AGBL4: variants seen among roughly 807,000 people sequenced by gnomAD.
AGBL4 encodes the protein AGBL carboxypeptidase 4.
In AGBL4, 58 loss-of-function variants were observed where a neutral mutation model predicts 66.4. That is an observed-to-expected ratio of 0.87 (90% CI 0.71 to 1.09). The LOEUF (loss-of-function observed/expected upper bound fraction) is 1.09. Ranked by LOEUF, AGBL4 falls within the 50% of genes least tolerant of loss-of-function variation. The probability of loss-of-function intolerance (pLI) is 0.00; values close to 1 mark genes in which losing one functional copy is unlikely to be tolerated. For missense variants in AGBL4, 579 were observed against 631.0 expected, an observed-to-expected ratio of 0.92 and a Z score of 0.88; for synonymous variants, 234 against 222.9, an observed-to-expected ratio of 1.05 and a Z score of -0.44.
chr1:49,442,598 T>G (rs1646059761), intron 3 of AGBL4, among the ~76,000 whole-genome samples: 1 of 152,246 alleles, frequency 6.6e-6, no homozygotes, highest in African/African-American at 2.4e-5. Flanking sequence ...CGCTTTTTGA[T>G]GTCTGAATAG....
chr1:49,552,796 CA>C (rs1653076312), intron 3 of AGBL4, among the ~76,000 whole-genome samples: 1 of 152,202 alleles, frequency 6.6e-6, no homozygotes, highest in Admixed American at 6.5e-5. Flanking sequence ...CTGTCCGAGT[CA>C]GAGCTGCAAT....
intron 3 of AGBL4, among the ~76,000 whole-genome samples, chr1:49,463,527 G>A (rs956462695): frequency 1.3e-5 from 2 of 151,740 alleles, no homozygotes; most frequent in African/African-American, 4.8e-5. Context: ...TCAGAGAAAA[G>A]TGGGTCTCTT....
chr1:48,865,054 G>A (rs1647871075), intron 6 of AGBL4, among the ~76,000 whole-genome samples: 1 of 151,994 alleles, frequency 6.6e-6, no homozygotes, highest in Non-Finnish European at 1.5e-5. Flanking sequence ...GTCTATGACT[G>A]GCCACATCAC....
intron 1 of AGBL4, among the ~76,000 whole-genome samples, chr1:49,929,425 T>A (rs924348585): frequency 6.6e-6 from 1 of 151,930 alleles, no homozygotes; most frequent in African/African-American, 2.4e-5. Context: ...TAGAACAAAG[T>A]GGAACAACAT....
intron 11 of AGBL4, among the ~76,000 whole-genome samples, chr1:48,562,783 C>T (rs558632587): frequency 6.6e-6 from 1 of 152,254 alleles, no homozygotes; most frequent in South Asian, 2.1e-4. Context: ...AGCTTGGATT[C>T]GAATCCAAGT....
At chr1:48,827,995 TACACACACACACAC>T (rs375257744) in intron 6 of AGBL4, among the ~76,000 whole-genome samples, 109 of 116,978 alleles carry the variant, frequency 9.3e-4, no homozygotes, top group Admixed American at 3.4e-3. Context: ...CTACTAAAAA[TACACACACACACAC>T]ACACACACAC....
intron 4 of AGBL4, among the ~76,000 whole-genome samples, chr1:49,117,656 T>G (rs1413641935): frequency 6.6e-6 from 1 of 152,234 alleles, no homozygotes; most frequent in African/African-American, 2.4e-5. Flanking sequence ...AGTAGCGTGA[T>G]GCCTCCAGCT....
At chr1:49,707,714 T>G (rs1346893598) in intron 2 of AGBL4, among the ~76,000 whole-genome samples, 1 of 152,154 alleles carries the variant, frequency 6.6e-6, no homozygotes, top group Non-Finnish European at 1.5e-5. Context: ...CCATATTTAG[T>G]GCTTCCTTCA....
At chr1:49,754,963 A>T (rs1234899564) in intron 2 of AGBL4, among the ~76,000 whole-genome samples, 2 of 152,178 alleles carry the variant, frequency 1.3e-5, no homozygotes, top group Non-Finnish European at 2.9e-5. Context: ...TTTTGCTTTT[A>T]TGATGTTTAA....
At chr1:49,074,824 A>G (rs189746889) in intron 4 of AGBL4, among the ~76,000 whole-genome samples, 17 of 152,304 alleles carry the variant, frequency 1.1e-4, no homozygotes, top group Non-Finnish European at 2.4e-4. Context: ...TATGATTCCA[A>G]CAGAAGGATA....
chr1:48,757,665 G>A (rs905643522), intron 6 of AGBL4, among the ~76,000 whole-genome samples: 1 of 152,182 alleles, frequency 6.6e-6, no homozygotes, highest in Non-Finnish European at 1.5e-5. Flanking sequence ...CTACCTTGGG[G>A]ATATACTTTA....
intron 1 of AGBL4, among the ~76,000 whole-genome samples, chr1:49,925,561 A>C (rs1652680108): frequency 6.6e-6 from 1 of 152,180 alleles, no homozygotes; most frequent in African/African-American, 2.4e-5. Context: ...GGGACAGGGC[A>C]TCAGGTGGAC....
At chr1:49,763,346 C>T (rs1046645200) in intron 2 of AGBL4, among the ~76,000 whole-genome samples, 1 of 152,214 alleles carries the variant, frequency 6.6e-6, no homozygotes, top group Non-Finnish European at 1.5e-5. Context: ...AGGACTACTT[C>T]ACTGTCCAAG....
At chr1:49,560,026 A>G (rs1049536116) in intron 3 of AGBL4, among the ~76,000 whole-genome samples, 1 of 152,078 alleles carries the variant, frequency 6.6e-6, no homozygotes, top group African/African-American at 2.4e-5. Flanking sequence ...ACAACCCTAA[A>G]CAGTGAAGCC....
In AGBL4 at chr1:49,030,884, A is replaced by C. The variant is rs982372508; in HGVS notation, c.594+14700T>G. On this transcript the variant is annotated intron_variant, in intron 5 of 13. Coordinates refer to ENST00000371839, the MANE Select transcript of AGBL4 (RefSeq NM_032785.4). ...ATCAATCGGACTTCATCAAAATTTA[A>C]AAATTTTATGCTATAAATGATACCA... 3.9e-5 allele frequency among the ~76,000 whole-genome samples: 6 copies of C among 152,120 alleles called. No individual in the cohort carries two copies. The East Asian group carries it at 1.2e-3, about 29-fold the overall frequency.
intron 2 of AGBL4, among the ~76,000 whole-genome samples, chr1:49,713,260 T>G (rs1234782518): frequency 6.6e-6 from 1 of 152,078 alleles, no homozygotes; most frequent in East Asian, 1.9e-4. Context: ...GGATTTCATT[T>G]TAAAAGACTG....
At chr1:48,695,323 G>A (rs748979379) in intron 6 of AGBL4, among the ~76,000 whole-genome samples, 23 of 152,168 alleles carry the variant, frequency 1.5e-4, no homozygotes, top group Admixed American at 2.6e-4. Flanking sequence ...GCAGGGTTGG[G>A]GGAGAGCTGG....
At chr1:49,269,607 T>C (rs929309973) in intron 3 of AGBL4, among the ~76,000 whole-genome samples, 2 of 152,164 alleles carry the variant, frequency 1.3e-5, no homozygotes, top group Non-Finnish European at 2.9e-5. Flanking sequence ...AAGACCATGT[T>C]GTTAGTCAAG....
At chr1:48,583,400 A>G (rs1194556224) in intron 11 of AGBL4, among the ~76,000 whole-genome samples, 1 of 152,228 alleles carries the variant, frequency 6.6e-6, no homozygotes, top group Non-Finnish European at 1.5e-5. Flanking sequence ...GCTACAGATT[A>G]GGAAACTAAT....
Sources: allele counts gnomAD v4.1 joint callset (sites outside exome capture counted in the v4.1 genomes callset), GRCh38; gene constraint gnomAD v4.1.1; transcripts MANE v1.5; gene names NCBI Gene and HGNC (gene_info 2026-07-23, HGNC 2026-07-21).